Variants in SKAP1 observed in about 807,000 individuals in gnomAD.
The protein encoded by SKAP1 is src kinase associated phosphoprotein 1.
In SKAP1, 44 loss-of-function variants were observed where a neutral mutation model predicts 58.5. The observed-to-expected ratio is 0.75, with a 90% CI of 0.59 to 0.97. The LOEUF is 0.97. Ranked by LOEUF, SKAP1 falls within the 50% of genes least tolerant of loss-of-function variation. The pLI, the probability that SKAP1 is intolerant of heterozygous loss-of-function variation, is 0.00. For synonymous variants in SKAP1, 127 were observed against 149.7 expected, an observed-to-expected ratio of 0.85 and a Z score of 1.11; for missense variants, 390 against 435.2, an observed-to-expected ratio of 0.90 and a Z score of 0.92.
At chr17:48,330,980 A>G (rs1051920162) in intron 4 of SKAP1, among the ~76,000 whole-genome samples, 3 of 152,314 alleles carry the variant, frequency 2.0e-5, no homozygotes, top group Admixed American at 6.5e-5. Context: ...GTAACCTTAA[A>G]ACCTCATAAC....
chr17:48,283,999 G>C (rs751345273), intron 4 of SKAP1, among the ~76,000 whole-genome samples: 3 of 152,138 alleles, frequency 2.0e-5, no homozygotes, highest in Admixed American at 6.5e-5. Flanking sequence ...CTTTGAAATT[G>C]TTTGCCCAGC....
chr17:48,419,091 G>A (rs2067764903), intron 1 of SKAP1, among the ~76,000 whole-genome samples: 1 of 151,964 alleles, frequency 6.6e-6, no homozygotes, highest in South Asian at 2.1e-4. Context: ...ATGGAAGGGA[G>A]GGAGGAAGAG....
chr17:48,384,390 C>G (rs537443074), intron 2 of SKAP1, among the ~76,000 whole-genome samples: 1 of 152,206 alleles, frequency 6.6e-6, no homozygotes, highest in South Asian at 2.1e-4. Flanking sequence ...ATTCTTCTAG[C>G]CACAAATAAC....
chr17:48,342,768 G>C (rs1387713935), intron 4 of SKAP1, among the ~76,000 whole-genome samples: 1 of 152,142 alleles, frequency 6.6e-6, no homozygotes, highest in Non-Finnish European at 1.5e-5. Context: ...GGTGGATCAC[G>C]AAGTCAGGAG....
rs146750859 is a variant in SKAP1, at chr17:48,162,482, C to A, written c.965G>T (p.Arg322Leu). Residue 322 changes from arginine (R) to leucine (L), a missense_variant, in exon 11 of 13, where the codon CGT (arginine) becomes CTT (leucine). Arg to Leu is a moderately radical substitution (Grantham distance 102). Transcript: ENST00000336915. ...ELSFQRGDLI[R>L]ILSKEYNMYG... ...TTCTGTCCTTACCTTGCTCAGAATA[C>A]GGATGAGGTCACCCCGTTGGAAGGA... The A allele has an allele frequency of 6.2e-6, 10 of 1,613,020 alleles. No homozygotes were observed. The highest frequency in any genetic ancestry group is 8.5e-6 in the Non-Finnish European group (10 of 1,179,280).
chr17:48,155,347 C>T (rs2063961258), intron 11 of SKAP1, among the ~76,000 whole-genome samples: 1 of 150,156 alleles, frequency 6.7e-6, no homozygotes, highest in Non-Finnish European at 1.5e-5. Context: ...AGGCTGGTCT[C>T]GAACTCCTGA....
intron 4 of SKAP1, among the ~76,000 whole-genome samples, chr17:48,319,979 T>TTGGACCATC (rs1253178885): frequency 6.6e-6 from 1 of 152,132 alleles, no homozygotes; most frequent in Non-Finnish European, 1.5e-5. Context: ...TAACCATCTA[T>TTGGACCATC]TAAATGGACA....
At chr17:48,417,737 T>C (rs565809617) in intron 1 of SKAP1, among the ~76,000 whole-genome samples, 1 of 133,120 alleles carries the variant, frequency 7.5e-6, no homozygotes, top group Non-Finnish European at 1.6e-5. Flanking sequence ...AGAGCGAGAC[T>C]TCGTCTCAAA....
chr17:48,216,712 G>A (rs7219967), intron 4 of SKAP1, among the ~76,000 whole-genome samples: 2 of 151,810 alleles, frequency 1.3e-5, no homozygotes, highest in Non-Finnish European at 2.9e-5. Flanking sequence ...GGCTAGTCTC[G>A]AACTCCTGAG....
chr17:48,385,906 G>C (rs947815716), intron 2 of SKAP1, among the ~76,000 whole-genome samples: 1 of 152,176 alleles, frequency 6.6e-6, no homozygotes, highest in Non-Finnish European at 1.5e-5. Context: ...AAGCTGAATA[G>C]GGATGCTGCC....
chr17:48,364,728 A>C (rs1275771053), intron 2 of SKAP1, among the ~76,000 whole-genome samples: 1 of 152,164 alleles, frequency 6.6e-6, no homozygotes. Context: ...CAATTGACTT[A>C]AGGTTGTCTA....
the SKAP1 span, among the ~76,000 whole-genome samples, chr17:48,442,315 T>C: frequency 6.6e-6 from 1 of 152,130 alleles, no homozygotes; most frequent in African/African-American, 2.4e-5. Context: ...CTGGAAGAAA[T>C]GGGTAGGTTT....
intron 4 of SKAP1, among the ~76,000 whole-genome samples, chr17:48,269,538 C>A (rs1196871121): frequency 6.6e-6 from 1 of 152,226 alleles, no homozygotes; most frequent in Non-Finnish European, 1.5e-5. Flanking sequence ...ATGTAACCCA[C>A]ATCGCCCAAA....
chr17:48,215,297 T>C (rs2064925424), intron 4 of SKAP1, among the ~76,000 whole-genome samples: 1 of 152,118 alleles, frequency 6.6e-6, no homozygotes, highest in African/African-American at 2.4e-5. Context: ...TGGGTGGGTA[T>C]GGAGGAAGAC....
intron 2 of SKAP1, among the ~76,000 whole-genome samples, chr17:48,390,611 G>A (rs193153077): frequency 5.3e-5 from 8 of 152,226 alleles, no homozygotes; most frequent in Middle Eastern, 3.4e-3. Context: ...TAAAGAGTAC[G>A]GCTCAGCTTA....
In SKAP1 at chr17:48,180,202, T is replaced by C; in HGVS notation, c.678A>G (p.Glu226=). The change falls in exon 9 of 13, where the codon GAA becomes GAG. Residue 226 remains glutamate, a synonymous_variant. Coordinates refer to ENST00000336915, the MANE Select transcript of SKAP1 (RefSeq NM_003726.4). ...TATCATCATATGTCTCTTCTTTTTC[T>C]TCTTCCTCCTCATCCTCTTCATATG... ...TIPYEEDEEE[E]EKEETYDDID... is the part of the protein sequence containing the mutation. 1 of 1,610,892 alleles carries C rather than the reference T, an allele frequency of 6.2e-7. No individual in the cohort carries two copies. Among genetic ancestry groups the C allele is most frequent in the Non-Finnish European group, 8.5e-7 (1 of 1,178,326 alleles).
chr17:48,372,867 C>T (rs750837501), intron 2 of SKAP1, among the ~76,000 whole-genome samples: 6 of 151,962 alleles, frequency 3.9e-5, no homozygotes, highest in East Asian at 1.9e-4. Context: ...AGACTGGTCT[C>T]GAACTTCTGG....
chr17:48,302,452 C>T (rs568677616), intron 4 of SKAP1, among the ~76,000 whole-genome samples: 1 of 152,308 alleles, frequency 6.6e-6, no homozygotes, highest in East Asian at 1.9e-4. Context: ...ATTTCACTAA[C>T]AGGAAGTGAA....
chr17:48,177,077 A>T (rs2143426057), intron 9 of SKAP1, among the ~76,000 whole-genome samples: 1 of 152,310 alleles, frequency 6.6e-6, no homozygotes, highest in African/African-American at 2.4e-5. Context: ...GCACAATCCA[A>T]TGTTACTGTA....
Sources: allele counts gnomAD v4.1 joint callset (sites outside exome capture counted in the v4.1 genomes callset), GRCh38; gene constraint gnomAD v4.1.1; transcripts MANE v1.5; gene names NCBI Gene and HGNC (gene_info 2026-07-23, HGNC 2026-07-21).